Variants in USP6 observed in about 807,000 individuals in gnomAD.
The protein encoded by USP6 is ubiquitin specific peptidase 6.
USP6 carries 128 observed loss-of-function variants against 175.7 expected under a neutral mutation model. The ratio of observed to expected loss-of-function variants is 0.73; its 90% CI spans 0.63 to 0.84. The LOEUF (loss-of-function observed/expected upper bound fraction) is 0.84, where lower values mean the gene tolerates loss of function less well. Among genes scored for constraint, USP6 ranks in the 40% least tolerant of loss-of-function variants. USP6 has a pLI of 0.00. For synonymous variants in USP6, 562 were observed against 630.6 expected (o/e 0.89, Z 1.63); for missense variants, 1,498 against 1,760.3 (o/e 0.85, Z 2.67).
At position 5,132,826 on chromosome 17, in the gene USP6, G is replaced by C; in HGVS notation, c.196-84G>C. On this transcript the variant is annotated intron_variant, in intron 12 of 37. Coordinates refer to ENST00000574788, the MANE Select transcript of USP6 (RefSeq NM_001304284.2). This position sits in a 1 kb window ranked among gnomAD's most constrained non-coding sequence, Gnocchi z 4.7. ...CTCCTTCCAGTTGGGTCCCACCAGG[G>C]CTCCAGAGCCCAAGACTCAGCATCC... 2 of 1,524,232 alleles carry C rather than the reference G, an allele frequency of 1.3e-6. No individual in the cohort carries two copies. The highest frequency in any genetic ancestry group is 1.1e-5 in the South Asian group (1 of 89,324). The allele number at this position is 1,524,232 out of a possible 1,614,324, so 94.4% of individuals were successfully genotyped here.
Position 5,142,469 on chromosome 17 carries a change from A to G in USP6, c.1785A>G (p.Gly595=), listed in dbSNP as rs763806811. 1 of 1,612,802 alleles carries G rather than the reference A, an allele frequency of 6.2e-7. No homozygotes were observed. The part of the protein sequence containing the change: ...YGDLVQELWS[G]TQKSVAPLKL... ...ATTTAGTGCAGGAACTCTGGAGTGG[A>G]ACTCAGAAGAGTGTTGCCCCATTAA... Residue 595 remains glycine, a synonymous_variant, in exon 25 of 38, where the codon GGA becomes GGG. Transcript: ENST00000574788.
At position 5,138,124 on chromosome 17, in the gene USP6, G is replaced by T; in HGVS notation, c.929G>T (p.Arg310Leu). ...TSIALKVQQK[R>L]LMKTSRCGLW... ...CTGATATCCACCCTGTCCCTAGAGC[G>T]CCTCATGAAGACATCCAGGTGTGGC... The change falls in exon 21 of 38, where the codon CGC becomes CTC. Residue 310 changes from arginine to leucine, a missense_variant. By Grantham distance (102) the Arg-to-Leu change is moderately radical. This residue lies in a region of USP6 where 1,217 missense variants were observed against 1,500.8 expected (regional missense o/e 0.81). Transcript: ENST00000574788. 1.9e-6 allele frequency: 3 copies of T among 1,614,046 alleles called. No individual in the cohort carries two copies. The highest frequency in any genetic ancestry group is 2.5e-6 in the Non-Finnish European group (3 of 1,179,970).
rs2073582693 is a variant in USP6, at chr17:5,145,561, A to G, written c.2149A>G (p.Met717Val). ...LSLPLPMDSY[M>V]DLEITVIKLD... ...TTTGCCACTACCAATGGACAGTTACATGGACTTAGAAATAACAGGTAGGTC... is the reference window on the plus strand; with the variant it reads ...TTTGCCACTACCAATGGACAGTTACGTGGACTTAGAAATAACAGGTAGGTC... The change falls in exon 27 of 38, where the codon ATG (methionine) becomes GTG (valine). Residue 717 changes from methionine (M) to valine (V), a missense_variant. By Grantham distance (21) the Met-to-Val change is conservative (BLOSUM62 1). Transcript: ENST00000574788. The G allele has an allele frequency of 6.2e-6, 10 of 1,602,046 alleles. No homozygotes were observed. The highest frequency in any genetic ancestry group is 8.5e-6 in the Non-Finnish European group (10 of 1,175,322).
rs771415946 is a variant in USP6 at position 5,147,088 on chromosome 17, T to C, written c.2325T>C (p.Phe775=). Reference sequence around the variant, plus strand: ...TCTTGCTGCTGTTTCTGTAGAACTTTCCTCAGGATAACCAAAAAGTACAAC... The same window carrying C: ...TCTTGCTGCTGTTTCTGTAGAACTTCCCTCAGGATAACCAAAAAGTACAAC... ...AEVHDSNIKN[F]PQDNQKVQLS... is the part of the protein sequence containing the mutation. The change falls in exon 29 of 38, where the codon TTT becomes TTC. Residue 775 remains phenylalanine, a synonymous_variant. Coordinates refer to ENST00000574788, the MANE Select transcript of USP6 (RefSeq NM_001304284.2). 6.2e-7 allele frequency: 1 copy of C among 1,612,366 alleles called. No homozygotes were observed.
chr17:5,152,150 G>A (rs1453412032), intron 30 of USP6, among the ~76,000 whole-genome samples: 1 of 151,762 alleles, frequency 6.6e-6, no homozygotes, highest in Non-Finnish European at 1.5e-5. Context: ...GCTGAGGCAG[G>A]AGAATCGCTT....
intron 33 of USP6, among the ~76,000 whole-genome samples, chr17:5,166,466 C>G (rs534889372): frequency 6.6e-6 from 1 of 152,146 alleles, no homozygotes; most frequent in African/African-American, 2.4e-5. Context: ...TTCCAGGCAG[C>G]CTAAGGTTCC....
chr17:5,127,336 G>C (rs1299254558), intron 6 of USP6, among the ~76,000 whole-genome samples, 168 bp from the exon 7 acceptor site: 4 of 152,226 alleles, frequency 2.6e-5, no homozygotes, highest in Admixed American at 6.5e-5. Context: ...CTGCAGGTCT[G>C]TGTGGCTGCT....
chr17:5,161,743 C>T (rs913739240), intron 32 of USP6, 129 bp downstream of exon 32: 80 of 1,095,846 alleles, frequency 7.3e-5, no homozygotes, highest in Middle Eastern at 2.3e-4. Context: ...TGGCTGGGCA[C>T]CATGGCTCAG....
chr17:5,134,932 C>T (rs2073201564), intron 15 of USP6: 12 of 379,438 alleles, frequency 3.2e-5, no homozygotes, highest in South Asian at 2.4e-4. Flanking sequence ...GGAGACTGCA[C>T]ATTGGTTTGG....
rs138559331 is a variant in USP6 at position 5,170,615 on chromosome 17, G to A, written c.3654G>A (p.Pro1218=). 5.2e-3 allele frequency: 8,451 copies of A among 1,613,520 alleles called. 432 individuals carry two copies. The South Asian group carries it at 0.088, about 17-fold the overall frequency. ...CCCAGATTGGCAGCAAAAATAAGCC[G>A]TCAAGTAGTAAGAAGAACTTGGATG... The part of the protein sequence containing the change: ...RLPQIGSKNK[P]SSSKKNLDAS... The change falls in exon 36 of 38, where the codon CCG becomes CCA. Residue 1218 remains proline (P), a synonymous_variant. Transcript: ENST00000574788.
intron 4 of USP6, among the ~76,000 whole-genome samples, chr17:5,122,801 G>C (rs901042067): frequency 3.9e-5 from 6 of 152,258 alleles, no homozygotes; most frequent in African/African-American, 1.4e-4. Context: ...GGTCGGGGCC[G>C]GTGGGTAGGG....
In USP6 at chr17:5,171,614, C is replaced by T; in HGVS notation, c.3982C>T (p.His1328Tyr). Residue 1328 changes from histidine (H) to tyrosine (Y), a missense_variant, in exon 37 of 38, where the codon CAT (histidine) becomes TAT (tyrosine). Transcript: ENST00000574788. ...CCATTCAGGAATTCTGAGTGGGGGC[C>T]ATTACATCACTTATGCCAAAAACCC... Reference protein sequence around the residue: ...SCHSGILSGGHYITYAKNPNC... With the variant: ...SCHSGILSGGYYITYAKNPNC... 6.2e-7 allele frequency: 1 copy of T among 1,613,774 alleles called. No homozygotes were observed. Among genetic ancestry groups the T allele is most frequent in the Non-Finnish European group, 8.5e-7 (1 of 1,179,804 alleles).
At position 5,167,982 on chromosome 17, in the gene USP6, G is replaced by A. The variant is rs1567813823; in HGVS notation, c.3087G>A (p.Glu1029=). 4 of 1,611,984 alleles carry A rather than the reference G, an allele frequency of 2.5e-6. No individual in the cohort carries two copies. The highest frequency in any genetic ancestry group is 3.4e-6 in the Non-Finnish European group (4 of 1,179,846). ...AGCAGAGTCGGCGAGCGCAAGCCGA[G>A]CCCATCAACCTGGACAGCTGTCTCC... ...SVEQSRRAQA[E]PINLDSCLRA... Residue 1029 remains glutamate (E), a synonymous_variant, in exon 34 of 38, where the codon GAG becomes GAA. Transcript: ENST00000574788.
chr17:5,149,709 T>C (rs2073711865), intron 30 of USP6, among the ~76,000 whole-genome samples: 1 of 152,076 alleles, frequency 6.6e-6, no homozygotes, highest in South Asian at 2.1e-4. Context: ...TTTTTTTTCT[T>C]AGAGGACACA....
At chr17:5,138,354 T>C in intron 21 of USP6, 81 bp downstream of exon 21, 12 of 1,597,318 alleles carry the variant, frequency 7.5e-6, no homozygotes, top group Non-Finnish European at 1.0e-5. Flanking sequence ...CCAGCAACCC[T>C]ACTACCTGGG....
intron 5 of USP6, among the ~76,000 whole-genome samples, 141 bp from the exon 6 acceptor site, chr17:5,125,662 GCACACACACGCACATGCA>G (rs1448118442): frequency 3.9e-5 from 5 of 129,018 alleles, no homozygotes; most frequent in Admixed American, 7.6e-5. Context: ...ACACAAACAC[GCACACACACGCACATGCA>G]CACACACACA....
chr17:5,142,218 T>C, intron 24 of USP6, 77 bp downstream of exon 24: 1 of 1,561,192 alleles, frequency 6.4e-7, no homozygotes, highest in Non-Finnish European at 8.7e-7. Flanking sequence ...TTCCTCTTTT[T>C]TCACCCTGCG....
intron 8 of USP6, 142 bp downstream of exon 8, chr17:5,129,275 C>T (rs1175427910): frequency 1.3e-5 from 2 of 152,264 alleles, no homozygotes; most frequent in Non-Finnish European, 2.9e-5. Context: ...CCCAAATCTG[C>T]CCAGATTTCC....
In USP6 at chr17:5,144,862, A is replaced by G. The variant is rs781213691; in HGVS notation, c.1991A>G (p.Glu664Gly). Residue 664 changes from glutamate to glycine, a missense_variant and splice_region_variant, in exon 26 of 38, where the codon GAG becomes GGG. Physicochemically the swap from Glu to Gly is moderately conservative, Grantham distance 98. Coordinates refer to ENST00000574788, the MANE Select transcript of USP6 (RefSeq NM_001304284.2). ...CGACCAGACTGGGAAGTAGCTGCAG[A>G]GGTTTGTCAGTTTTGAGTTTCTAAT... The part of the protein sequence containing the change: ...DGRPDWEVAA[E>G]AWDNHLRRNR... The G allele has an allele frequency of 6.3e-7, 1 of 1,590,220 alleles. No individual in the cohort carries two copies. The highest frequency in any genetic ancestry group is 1.7e-5 in the Admixed American group (1 of 58,012).
Sources: allele counts gnomAD v4.1 joint callset (sites outside exome capture counted in the v4.1 genomes callset), GRCh38; gene constraint gnomAD v4.1.1; regional missense constraint gnomAD v4.1.1; non-coding constraint Gnocchi (gnomAD v3.1); transcripts MANE v1.5; gene names NCBI Gene and HGNC (gene_info 2026-07-23, HGNC 2026-07-21).